Variants in CNTNAP2 observed in about 807,000 individuals in gnomAD.
The protein encoded by CNTNAP2 is contactin associated protein 2.
In CNTNAP2, 98 loss-of-function variants were observed where a neutral mutation model predicts 155.2. That is an observed-to-expected ratio of 0.63 (90% CI 0.54 to 0.75). The LOEUF is 0.75. Ranked by LOEUF, CNTNAP2 falls within the 30% of genes least tolerant of loss-of-function variation. CNTNAP2 has a pLI of 0.00. For missense variants in CNTNAP2, 1,727 were observed against 1,688.1 expected (o/e 1.02, Z -0.40); for synonymous variants, 651 against 631.2 (o/e 1.03, Z -0.47).
intron 12 of CNTNAP2, among the ~76,000 whole-genome samples, chr7:147,563,176 T>C (rs1800098355): frequency 6.6e-6 from 1 of 152,166 alleles, no homozygotes; most frequent in Non-Finnish European, 1.5e-5. Flanking sequence ...TCAGAATCTT[T>C]ATCTGTAAAT....
At chr7:147,938,336 T>C (rs1800652729) in intron 14 of CNTNAP2, among the ~76,000 whole-genome samples, 1 of 152,040 alleles carries the variant, frequency 6.6e-6, no homozygotes, top group South Asian at 2.1e-4. Context: ...AAGCACACAA[T>C]ACTAGGACCA....
chr7:147,305,855 C>T (rs1008967994), intron 9 of CNTNAP2, among the ~76,000 whole-genome samples: 4 of 152,110 alleles, frequency 2.6e-5, no homozygotes, highest in Non-Finnish European at 5.9e-5. Context: ...TGTCTGAAGG[C>T]CCCAGGGGAG....
chr7:146,710,658 T>C (rs376522002), intron 1 of CNTNAP2, among the ~76,000 whole-genome samples: 1 of 152,138 alleles, frequency 6.6e-6, no homozygotes, highest in African/African-American at 2.4e-5. Flanking sequence ...CTGATTTTTT[T>C]CCTCTGTTCT....
At chr7:146,563,458 A>G (rs1260693021) in intron 1 of CNTNAP2, among the ~76,000 whole-genome samples, 1 of 152,094 alleles carries the variant, frequency 6.6e-6, no homozygotes, top group Non-Finnish European at 1.5e-5. Context: ...CAGAGACAAA[A>G]CATGCTGTCT....
intron 9 of CNTNAP2, among the ~76,000 whole-genome samples, chr7:147,322,806 G>T (rs1795377771): frequency 7.1e-6 from 1 of 140,710 alleles, no homozygotes; most frequent in African/African-American, 2.8e-5. Context: ...AGTCTTGGGA[G>T]GGTGTATGTG....
Position 147,156,125 on chromosome 7 carries a change from G to C in CNTNAP2, c.1348+23616G>C, listed in dbSNP as rs1041663290. On this transcript the variant is annotated intron_variant, in intron 8 of 23. Transcript: ENST00000361727. ...TGTAATGCAGAGCCAGCTGGTAAAG[G>C]AGAAAGGTAGATTTCGGAGCCTCAT... 4.6e-5 allele frequency among the ~76,000 whole-genome samples: 7 copies of C among 152,250 alleles called. No individual in the cohort carries two copies. The East Asian group carries it at 9.7e-4, about 21-fold the overall frequency.
At chr7:146,649,298 C>T (rs556697857) in intron 1 of CNTNAP2, among the ~76,000 whole-genome samples, 1 of 152,046 alleles carries the variant, frequency 6.6e-6, no homozygotes, top group African/African-American at 2.4e-5. Flanking sequence ...TATTGATCAA[C>T]AGCAATCTCT....
chr7:148,398,614 C>T (rs1799517772), intron 22 of CNTNAP2, among the ~76,000 whole-genome samples: 1 of 152,156 alleles, frequency 6.6e-6, no homozygotes, highest in African/African-American at 2.4e-5. Flanking sequence ...TTGCTTGAGT[C>T]CTAAAATAAC....
At chr7:148,185,200 G>A (rs1795097487) in intron 18 of CNTNAP2, among the ~76,000 whole-genome samples, 1 of 152,184 alleles carries the variant, frequency 6.6e-6, no homozygotes, top group Non-Finnish European at 1.5e-5. Flanking sequence ...AGACCTCAGA[G>A]TTATACTAGT....
At chr7:148,187,213 TC>T (rs1795131090) in intron 18 of CNTNAP2, among the ~76,000 whole-genome samples, 1 of 152,136 alleles carries the variant, frequency 6.6e-6, no homozygotes, top group Non-Finnish European at 1.5e-5. Context: ...ACAAGATAAT[TC>T]TTTGTGTTTC....
chr7:146,946,927 A>G (rs1797189133), intron 3 of CNTNAP2, among the ~76,000 whole-genome samples: 1 of 152,160 alleles, frequency 6.6e-6, no homozygotes, highest in African/African-American at 2.4e-5. Context: ...ATCCCCCCAA[A>G]AAAGCATCTT....
intron 14 of CNTNAP2, among the ~76,000 whole-genome samples, chr7:147,969,582 G>A (rs1020882503): frequency 6.6e-6 from 1 of 152,090 alleles, no homozygotes; most frequent in Non-Finnish European, 1.5e-5. Context: ...TAAGTGGGAG[G>A]TTTAAGGTTT....
intron 17 of CNTNAP2, among the ~76,000 whole-genome samples, chr7:148,170,984 G>A (rs181927361): frequency 5.9e-5 from 9 of 152,108 alleles, no homozygotes; most frequent in East Asian, 1.9e-4. Flanking sequence ...AGTTCTTCTC[G>A]GTATTAAGTG....
intron 20 of CNTNAP2, among the ~76,000 whole-genome samples, chr7:148,260,822 G>A (rs1183048038): frequency 3.3e-5 from 5 of 152,274 alleles, no homozygotes; most frequent in South Asian, 2.1e-4. Context: ...CAGAGGAAAC[G>A]CAAGCCAATG....
At chr7:146,948,651 G>T (rs1010261166) in intron 3 of CNTNAP2, among the ~76,000 whole-genome samples, 5 of 152,052 alleles carry the variant, frequency 3.3e-5, no homozygotes, top group Non-Finnish European at 7.4e-5. Context: ...AATAAATTTT[G>T]AGTATATAAT....
intron 8 of CNTNAP2, among the ~76,000 whole-genome samples, chr7:147,296,337 A>G (rs1043751049): frequency 6.6e-6 from 1 of 152,236 alleles, no homozygotes; most frequent in Non-Finnish European, 1.5e-5. Context: ...TAGGGTCTTC[A>G]GTGCATCAAT....
At position 146,483,285 on chromosome 7, in the gene CNTNAP2, ATATATATATATAT is replaced by A. The variant is rs1563101649; in HGVS notation, c.98-290985_98-290973del. On this transcript the variant is annotated intron_variant, in intron 1 of 23. Coordinates refer to ENST00000361727, the MANE Select transcript of CNTNAP2 (RefSeq NM_014141.6). ...AGCAAGACTCCGTCTAAAAAAAAAT[ATATATATATATAT>A]ATATATATATATATATATATATATA... is the stretch of plus-strand genomic sequence containing the variant. Among the ~76,000 whole-genome samples the A allele has an allele frequency of 5.3e-3, 249 of 47,216 alleles. 9 individuals are homozygous for A. The highest frequency in any genetic ancestry group is 0.021 in the Middle Eastern group (2 of 94). 31.0% of individuals were successfully genotyped at this position (47,216 alleles called of 152,430 possible).
intron 14 of CNTNAP2, among the ~76,000 whole-genome samples, chr7:147,927,454 C>T (rs1800415339): frequency 6.6e-6 from 1 of 152,134 alleles, no homozygotes; most frequent in Admixed American, 6.5e-5. Context: ...ATAAGTCAAA[C>T]ACTTTTAGTT....
intron 1 of CNTNAP2, among the ~76,000 whole-genome samples, chr7:146,330,043 A>G (rs1801158337): frequency 1.3e-5 from 1 of 76,938 alleles, no homozygotes; most frequent in East Asian, 3.4e-4. Flanking sequence ...TTTTTTTGAG[A>G]CAGAGTTTCA....
Sources: allele counts gnomAD v4.1 joint callset (sites outside exome capture counted in the v4.1 genomes callset), GRCh38; gene constraint gnomAD v4.1.1; transcripts MANE v1.5; gene names NCBI Gene and HGNC (gene_info 2026-07-23, HGNC 2026-07-21).